Variants in PTPRO observed in about 807,000 individuals in gnomAD.
PTPRO encodes the protein receptor-type tyrosine-protein phosphatase O.
PTPRO carries 62 observed loss-of-function variants against 145.2 expected under a neutral mutation model. The observed-to-expected ratio is 0.43, with a 90% CI of 0.35 to 0.53. The LOEUF (loss-of-function observed/expected upper bound fraction) is 0.53, where lower values mean the gene tolerates loss of function less well. Ranked by LOEUF, PTPRO falls within the 20% of genes least tolerant of loss-of-function variation. The pLI, the probability that PTPRO is intolerant of heterozygous loss-of-function variation, is 0.01. For synonymous variants in PTPRO, 565 were observed against 514.7 expected (o/e 1.10, Z -1.32); for missense variants, 1,345 against 1,482.7 (o/e 0.91, Z 1.53).
At chr12:15,455,471 G>A (rs970679287) in intron 1 of PTPRO, among the ~76,000 whole-genome samples, 14 of 152,088 alleles carry the variant, frequency 9.2e-5, no homozygotes, top group Admixed American at 1.3e-4. Context: ...TAAGTCTTCC[G>A]GTCCATGGTC....
At chr12:15,371,921 GTGATCGTAAGTTTCC>G (rs1477961394) in intron 1 of PTPRO, among the ~76,000 whole-genome samples, 5 of 152,138 alleles carry the variant, frequency 3.3e-5, no homozygotes, top group Non-Finnish European at 7.3e-5. Flanking sequence ...ACCTTCTGCT[GTGATCGTAAGTTTCC>G]TGAGGCCTCT....
At chr12:15,492,218 A>G (rs1942013791) in intron 2 of PTPRO, among the ~76,000 whole-genome samples, 1 of 152,206 alleles carries the variant, frequency 6.6e-6, no homozygotes, top group Admixed American at 6.6e-5. Context: ...GAGATGAAAA[A>G]GCATCAAATG....
intron 12 of PTPRO, among the ~76,000 whole-genome samples, chr12:15,529,990 A>ACAG (rs1942927531): frequency 6.6e-6 from 1 of 152,210 alleles, no homozygotes; most frequent in African/African-American, 2.4e-5. Context: ...CTTCACCTGT[A>ACAG]AAGACACACA....
At chr12:15,547,440 A>G (rs1943324251) in intron 13 of PTPRO, among the ~76,000 whole-genome samples, 1 of 152,240 alleles carries the variant, frequency 6.6e-6, no homozygotes, top group Non-Finnish European at 1.5e-5. Context: ...TACATAATAT[A>G]GTGTGTAGAC....
chr12:15,529,373 GC>G (rs1449096424), intron 12 of PTPRO, among the ~76,000 whole-genome samples: 4 of 151,700 alleles, frequency 2.6e-5, no homozygotes, highest in Non-Finnish European at 4.4e-5. Flanking sequence ...ACTTGTTATG[GC>G]CAGGCATGGT....
At chr12:15,577,922 C>G (rs539294812) in intron 19 of PTPRO, among the ~76,000 whole-genome samples, 2 of 152,260 alleles carry the variant, frequency 1.3e-5, no homozygotes, top group East Asian at 3.9e-4. Context: ...CTTAGAAATC[C>G]CCCTTTCCCC....
intron 21 of PTPRO, 31 bp from the exon 22 acceptor site, chr12:15,580,666 T>A: frequency 6.2e-7 from 1 of 1,613,782 alleles, no homozygotes; most frequent in Non-Finnish European, 8.5e-7. Flanking sequence ...CAGTGTCTGG[T>A]TAGGTGATAA....
intron 1 of PTPRO, among the ~76,000 whole-genome samples, chr12:15,387,993 T>C (rs1208026467): frequency 6.6e-6 from 1 of 152,126 alleles, no homozygotes; most frequent in African/African-American, 2.4e-5. Context: ...TTTATGTGAA[T>C]TGTGACACCC....
At chr12:15,560,316 A>G in intron 17 of PTPRO, 40 bp downstream of exon 17, 1 of 1,436,926 alleles carries the variant, frequency 7.0e-7, no homozygotes, top group Non-Finnish European at 9.8e-7. Context: ...AAACTCTTTA[A>G]AAGTTAGCTT....
intron 23 of PTPRO, among the ~76,000 whole-genome samples, chr12:15,583,494 C>CA (rs1157700504): frequency 3.2e-4 from 46 of 145,098 alleles, no homozygotes; most frequent in Middle Eastern, 3.5e-3. Context: ...CACACACACA[C>CA]ACACAAAAAA....
intron 1 of PTPRO, among the ~76,000 whole-genome samples, chr12:15,382,172 A>ATATATT (rs1244931783): frequency 1.8e-3 from 270 of 148,630 alleles, no homozygotes; most frequent in African/African-American, 6.3e-3. Context: ...ATATATATAT[A>ATATATT]TATATTTATA....
chr12:15,578,289 A>C (rs896884005), intron 19 of PTPRO, among the ~76,000 whole-genome samples: 1 of 152,180 alleles, frequency 6.6e-6, no homozygotes, highest in Non-Finnish European at 1.5e-5. Flanking sequence ...AAGTTACTCT[A>C]TTCCTCCAAA....
chr12:15,355,664 G>C (rs1314655828), intron 1 of PTPRO, among the ~76,000 whole-genome samples: 1 of 152,170 alleles, frequency 6.6e-6, no homozygotes, highest in Non-Finnish European at 1.5e-5. Flanking sequence ...CCAAAATAGA[G>C]CACTTTAATC....
intron 1 of PTPRO, among the ~76,000 whole-genome samples, chr12:15,438,832 G>A (rs1940674124): frequency 6.6e-6 from 1 of 152,132 alleles, no homozygotes; most frequent in South Asian, 2.1e-4. Context: ...GAAGATAGAT[G>A]TCCAGATACA....
chr12:15,570,685 T>C (rs1273619912), intron 19 of PTPRO, among the ~76,000 whole-genome samples: 2 of 152,116 alleles, frequency 1.3e-5, no homozygotes, highest in Non-Finnish European at 2.9e-5. Flanking sequence ...TTTCAGAAAG[T>C]ATATCAAGGA....
At chr12:15,460,093 G>A (rs1941268212) in intron 1 of PTPRO, among the ~76,000 whole-genome samples, 1 of 152,130 alleles carries the variant, frequency 6.6e-6, no homozygotes. Flanking sequence ...CTATTTTCAT[G>A]CTGAAAATAC....
At chr12:15,443,431 C>A (rs1374735630) in intron 1 of PTPRO, among the ~76,000 whole-genome samples, 1 of 151,992 alleles carries the variant, frequency 6.6e-6, no homozygotes, top group Non-Finnish European at 1.5e-5. Context: ...ATCTGGACAT[C>A]GGCCTGGGGA....
intron 2 of PTPRO, among the ~76,000 whole-genome samples, chr12:15,488,325 T>C (rs1386388759): frequency 6.6e-6 from 1 of 152,132 alleles, no homozygotes; most frequent in Non-Finnish European, 1.5e-5. Flanking sequence ...ATATCAGAAG[T>C]GGGAATTAGT....
At chr12:15,401,081 C>CT (rs1939480134) in intron 1 of PTPRO, among the ~76,000 whole-genome samples, 1 of 152,160 alleles carries the variant, frequency 6.6e-6, no homozygotes, top group African/African-American at 2.4e-5. Context: ...ATCAGGTTGA[C>CT]TGGGAATGCT....
Sources: allele counts gnomAD v4.1 joint callset (sites outside exome capture counted in the v4.1 genomes callset), GRCh38; gene constraint gnomAD v4.1.1; transcripts MANE v1.5; gene names NCBI Gene and HGNC (gene_info 2026-07-23, HGNC 2026-07-21).